The following EMP1 variants were observed in gnomAD, a reference collection of about 807,000 sequenced individuals.
EMP1 encodes epithelial membrane protein 1, also known as tumor-associated membrane protein.
Under a neutral mutation model 15.7 loss-of-function variants are expected in EMP1, and 5 were observed. The observed-to-expected ratio is 0.32, with a 90% confidence interval of 0.17 to 0.67. EMP1 has a LOEUF of 0.67. Among genes scored for constraint, EMP1 ranks in the 30% least tolerant of loss-of-function variants. The pLI is 0.74. For synonymous variants in EMP1, 78 were observed against 76.7 expected, an observed-to-expected ratio of 1.02 and a Z score of -0.09; for missense variants, 166 against 194.2, an observed-to-expected ratio of 0.85 and a Z score of 0.86.
rs1257290487 is a variant in EMP1 at position 13,211,677 on chromosome 12, T to A, written c.78+89T>A. On this transcript the variant is annotated intron_variant, in intron 2 of 4. Transcript: ENST00000256951. This position sits in a 1 kb window ranked among gnomAD's most constrained non-coding sequence, Gnocchi z 4.7. ...ACAAAAGAAGTTTAAGCCACAGCCC[T>A]TGCCCTTCATGAACTTACAGCTCAG... The A allele has an allele frequency of 1.4e-6, 2 of 1,440,818 alleles. No homozygotes were observed. Among genetic ancestry groups the A allele is most frequent in the African/African-American group, 1.4e-5 (1 of 70,648 alleles). The allele number at this position is 1,440,818 out of a possible 1,614,324, so 89.3% of individuals were successfully genotyped here.
In EMP1 at chr12:13,213,553, C is replaced by T. The variant is rs769959481; in HGVS notation, c.153C>T (p.Asp51=). The T allele has an allele frequency of 1.2e-6, 2 of 1,614,208 alleles. No individual in the cohort carries two copies. Among genetic ancestry groups the T allele is most frequent in the Non-Finnish European group, 1.7e-6 (2 of 1,180,032 alleles). The part of the protein sequence containing the change: ...WKNCTNISCS[D]SLSYASEDAL... ...ACTGTACCAACATTAGCTGCAGTGA[C>T]AGCCTGTCATATGCCAGTGAAGGTA... Residue 51 remains aspartate, a synonymous_variant, in exon 3 of 5, where the codon GAC becomes GAT. Coordinates refer to ENST00000256951, the MANE Select transcript of EMP1 (RefSeq NM_001423.3).
At position 13,216,768 on chromosome 12, in the gene EMP1, C is replaced by T. The variant is rs1272325587; in HGVS notation, c.*2077C>T. 1 of 258,666 alleles carries T rather than the reference C, an allele frequency of 3.9e-6. No homozygotes were observed. Among genetic ancestry groups the T allele is most frequent in the Non-Finnish European group, 7.2e-6 (1 of 138,028 alleles). The allele number at this position is 258,666 out of a possible 1,614,324, so 16.0% of individuals were successfully genotyped here. On this transcript the variant is annotated 3_prime_UTR_variant, in exon 5 of 5. Transcript: ENST00000256951. Reference sequence around the variant, plus strand: ...AGGGATATAAAAACAGATTCTGATTCCCTTCATTGTGTGAATGTTTTTTTC... The same window carrying T: ...AGGGATATAAAAACAGATTCTGATTTCCTTCATTGTGTGAATGTTTTTTTC...
intron 4 of EMP1, 131 bp downstream of exon 4, chr12:13,213,952 T>A: frequency 7.5e-7 from 1 of 1,329,776 alleles, no homozygotes; most frequent in Non-Finnish European, 1.1e-6. Flanking sequence ...TCTGGTTATT[T>A]GTTCTCTTGT....
chr12:13,213,609 T>G, intron 3 of EMP1, 34 bp downstream of exon 3: 1 of 1,614,050 alleles, frequency 6.2e-7, no homozygotes, highest in Non-Finnish European at 8.5e-7. Context: ...GTGCTGACAA[T>G]AGGTGTGGTC....
At chr12:13,199,415 G>C in intron 1 of EMP1, 1 of 152,348 alleles carries the variant, frequency 6.6e-6, no homozygotes, top group Non-Finnish European at 1.5e-5. Flanking sequence ...GGGACTACTG[G>C]AGAGAGACAC....
At chr12:13,205,961 A>G (rs1864107478) in intron 1 of EMP1, among the ~76,000 whole-genome samples, 1 of 152,018 alleles carries the variant, frequency 6.6e-6, no homozygotes, top group Non-Finnish European at 1.5e-5. Flanking sequence ...GGGGGTTTGG[A>G]GGTTCTTGAG....
intron 1 of EMP1, among the ~76,000 whole-genome samples, chr12:13,197,526 A>T (rs1248769084): frequency 2.6e-5 from 4 of 152,158 alleles, no homozygotes; most frequent in Non-Finnish European, 5.9e-5. Context: ...CTGTAATCCT[A>T]GCACTTTGGG....
At chr12:13,212,559 T>C (rs1864175243) in intron 2 of EMP1, among the ~76,000 whole-genome samples, 1 of 152,284 alleles carries the variant, frequency 6.6e-6, no homozygotes, top group South Asian at 2.1e-4. Context: ...CCATTCTATA[T>C]GTCAACTCCT....
At chr12:13,204,019 AG>A (rs1864088697) in intron 1 of EMP1, among the ~76,000 whole-genome samples, 1 of 152,190 alleles carries the variant, frequency 6.6e-6, no homozygotes, top group Non-Finnish European at 1.5e-5. Context: ...CATTTATAAT[AG>A]CCTGCATTTG....
chr12:13,208,628 C>T (rs1864134695), intron 1 of EMP1, among the ~76,000 whole-genome samples: 1 of 152,162 alleles, frequency 6.6e-6, no homozygotes, highest in Non-Finnish European at 1.5e-5. Context: ...AGCTAAACAG[C>T]CCCTCCTTCT....
intron 2 of EMP1, chr12:13,212,050 G>A (rs571296340): frequency 2.8e-4 from 43 of 155,814 alleles, no homozygotes; most frequent in Non-Finnish European, 4.7e-4. Flanking sequence ...TGTGGCTGGA[G>A]CCGAACTTCC....
At position 13,216,607 on chromosome 12, in the gene EMP1, T is replaced by A. The variant is rs1864218092; in HGVS notation, c.*1916T>A. On this transcript the variant is annotated 3_prime_UTR_variant, in exon 5 of 5. Transcript: ENST00000256951. ...CATGTATTCCCTTATCTTTTACTTT[T>A]TTTCTGTGACATTTATGTCTCATGT... The A allele has an allele frequency of 1.6e-6, 1 of 611,984 alleles. No individual in the cohort carries two copies. Among genetic ancestry groups the A allele is most frequent in the African/African-American group, 1.8e-5 (1 of 54,144 alleles). The allele number at this position is 611,984 out of a possible 1,614,324, so 37.9% of individuals were successfully genotyped here. A position where few individuals can be genotyped will look rare whatever the true frequency, so the allele number is the denominator to read the frequency against.
rs765163037 is a variant in EMP1, at chr12:13,214,030, T to C, written c.316+209T>C. ...CTTCATTGTTCAAAACCAGTGCTCC[T>C]GGGTAGCTACCAAGTGGCAGTGCAT... is the stretch of plus-strand genomic sequence containing the variant. On this transcript the variant is annotated intron_variant, in intron 4 of 4. Coordinates refer to ENST00000256951, the MANE Select transcript of EMP1 (RefSeq NM_001423.3). 3.1e-5 allele frequency: 24 copies of C among 771,186 alleles called. No homozygotes were observed. The African/African-American group carries it at 3.9e-4, about 13-fold the overall frequency. 47.8% of individuals were successfully genotyped at this position (771,186 alleles called of 1,614,324 possible). A position where few individuals can be genotyped will look rare whatever the true frequency, so the allele number is the denominator to read the frequency against.
chr12:13,214,625 G>C lies in EMP1; in HGVS notation c.408G>C (p.Leu136=). 6.2e-7 allele frequency: 1 copy of C among 1,613,890 alleles called. No individual in the cohort carries two copies. The highest frequency in any genetic ancestry group is 1.3e-5 in the African/African-American group (1 of 74,928). Residue 136 remains leucine, a synonymous_variant, in exon 5 of 5, where the codon CTG becomes CTC. Coordinates refer to ENST00000256951, the MANE Select transcript of EMP1 (RefSeq NM_001423.3). The part of the protein sequence containing the change: ...TQYHHGYSYI[L]GWICFCFSFI... ...ATCACCACGGCTATTCCTACATCCT[G>C]GGCTGGATCTGCTTCTGCTTCAGCT... is the stretch of plus-strand genomic sequence containing the variant.
rs1348214700 is a variant in EMP1, at chr12:13,215,121, C to T, written c.*430C>T. 2 of 165,812 alleles carry T rather than the reference C, an allele frequency of 1.2e-5. No individual in the cohort carries two copies. The highest frequency in any genetic ancestry group is 4.8e-5 in the African/African-American group (2 of 41,866). 10.3% of individuals were successfully genotyped at this position (165,812 alleles called of 1,614,324 possible). On this transcript the variant is annotated 3_prime_UTR_variant, in exon 5 of 5. Coordinates refer to ENST00000256951, the MANE Select transcript of EMP1 (RefSeq NM_001423.3). ...TGTCTTTGTGCTGAATACGCTAAGC[C>T]TGGAAGCCATCCTGCCCTTCTGACC...
chr12:13,213,392 C>T (rs188698730), intron 2 of EMP1, 87 bp from the exon 3 acceptor site: 9 of 1,215,420 alleles, frequency 7.4e-6, no homozygotes, highest in Non-Finnish European at 1.1e-5. Context: ...TTATTAAAAT[C>T]TGATCCCGAT....
chr12:13,198,596 T>A (rs1864034987), intron 1 of EMP1, among the ~76,000 whole-genome samples: 1 of 152,214 alleles, frequency 6.6e-6, no homozygotes. Context: ...GGATGTGGAT[T>A]AGCCATTATT....
At chr12:13,205,107 G>A (rs950181228) in intron 1 of EMP1, among the ~76,000 whole-genome samples, 1 of 152,220 alleles carries the variant, frequency 6.6e-6, no homozygotes, top group African/African-American at 2.4e-5. Flanking sequence ...ATGACTGGAG[G>A]AGGTTAAGCA....
At chr12:13,205,858 G>C (rs1254051438) in intron 1 of EMP1, among the ~76,000 whole-genome samples, 1 of 152,204 alleles carries the variant, frequency 6.6e-6, no homozygotes, top group African/African-American at 2.4e-5. Context: ...CAAAAGCAGA[G>C]CTTTTATTTT....
Sources: gnomAD v4.1 joint callset for allele counts (sites outside exome capture counted in the v4.1 genomes callset) on GRCh38, gnomAD v4.1.1 for gene constraint, Gnocchi (gnomAD v3.1) non-coding constraint, MANE v1.5 for transcripts, NCBI Gene and HGNC (gene_info 2026-07-23, HGNC 2026-07-21) for gene names.